TECTB: variants seen among roughly 807,000 people sequenced by gnomAD.
The protein encoded by TECTB is beta-tectorin.
A neutral mutation model predicts 43.3 loss-of-function variants in TECTB; 45 were observed. That is an observed-to-expected ratio of 1.04 (90% confidence interval 0.82 to 1.33). The LOEUF (loss-of-function observed/expected upper bound fraction) is 1.33. Among genes scored for constraint, TECTB ranks in the 40% most tolerant of loss-of-function variants. The pLI is 0.00. For synonymous variants in TECTB, 169 were observed against 156.7 expected (o/e 1.08, Z -0.59); for missense variants, 399 against 404.7 (o/e 0.99, Z 0.12).
intron 7 of TECTB, among the ~76,000 whole-genome samples, chr10:112,297,546 GACC>G (rs1030502925): frequency 2.6e-5 from 4 of 152,046 alleles, no homozygotes; most frequent in East Asian, 1.9e-4. Context: ...TTAAAAATGT[GACC>G]ACATTTTTAC....
intron 5 of TECTB, among the ~76,000 whole-genome samples, chr10:112,287,913 G>T (rs1043292005): frequency 6.6e-6 from 1 of 152,182 alleles, no homozygotes; most frequent in African/African-American, 2.4e-5. Context: ...ACAAAATCTA[G>T]ATCTGCCCCT....
chr10:112,300,311 GAA>G (rs1848597396), intron 9 of TECTB, among the ~76,000 whole-genome samples: 1 of 114,702 alleles, frequency 8.7e-6, no homozygotes. Flanking sequence ...AAGAAAGAAA[GAA>G]AGAAAGAGAA....
At position 112,303,322 on chromosome 10, in the gene TECTB, A is replaced by T; in HGVS notation, c.*10A>T. On this transcript the variant is annotated 3_prime_UTR_variant, in exon 11 of 11. Coordinates refer to ENST00000646139, the MANE Select transcript of TECTB (RefSeq NM_058222.3). ...TTGTGCCGTGTTATAGGAGTTAGCCAGGCAGCTGCCGCTCCTCCACCCACA... is the reference window on the plus strand; with the variant it reads ...TTGTGCCGTGTTATAGGAGTTAGCCTGGCAGCTGCCGCTCCTCCACCCACA... The T allele has an allele frequency of 6.2e-7, 1 of 1,614,194 alleles. No individual in the cohort carries two copies. Among genetic ancestry groups the T allele is most frequent in the Non-Finnish European group, 8.5e-7 (1 of 1,180,016 alleles).
At chr10:112,293,281 TACTGGGAA>T (rs1360927314) in intron 5 of TECTB, among the ~76,000 whole-genome samples, 1 of 152,050 alleles carries the variant, frequency 6.6e-6, no homozygotes, top group African/African-American at 2.4e-5. Context: ...TTGATGATTG[TACTGGGAA>T]TCTGGGAATC....
intron 8 of TECTB, among the ~76,000 whole-genome samples, chr10:112,298,436 G>T (rs1848568254): frequency 6.6e-6 from 1 of 152,204 alleles, no homozygotes; most frequent in Non-Finnish European, 1.5e-5. Context: ...AACCCACATG[G>T]TCTGGCATGT....
At position 112,299,728 on chromosome 10, in the gene TECTB, C is replaced by G. The variant is rs777625245; in HGVS notation, c.907+164C>G. 1.1e-5 allele frequency: 7 copies of G among 662,038 alleles called. No individual in the cohort carries two copies. The Admixed American group carries it at 2.0e-4, about 19-fold the overall frequency. The allele number at this position is 662,038 out of a possible 1,614,324, so 41.0% of individuals were successfully genotyped here. On this transcript the variant is annotated intron_variant, in intron 9 of 10. Transcript: ENST00000646139. Reference sequence around the variant, plus strand: ...GAGTCTTCCAGCCAGGGGTGGGGAACAGCTCAAGCCAAACGAAGGAGTTGA... The same window carrying G: ...GAGTCTTCCAGCCAGGGGTGGGGAAGAGCTCAAGCCAAACGAAGGAGTTGA...
intron 7 of TECTB, among the ~76,000 whole-genome samples, chr10:112,296,331 G>T (rs1848546755): frequency 6.6e-6 from 1 of 152,112 alleles, no homozygotes; most frequent in Admixed American, 6.6e-5. Flanking sequence ...GCCTCCTGTG[G>T]GCTTCCACCA....
In TECTB at chr10:112,303,444, A is replaced by G. The variant is rs1372251750; in HGVS notation, c.*132A>G. The G allele has an allele frequency of 4.6e-6, 5 of 1,082,318 alleles. No individual in the cohort carries two copies. In the Admixed American group the frequency reaches 5.9e-5, roughly 13 times the overall value. The allele number at this position is 1,082,318 out of a possible 1,614,324, so 67.0% of individuals were successfully genotyped here. ...GGGGCAGAGAATAGCACTTTGCCAAATATGCACTCCAATAATTTCTGTGAA... is the reference window on the plus strand; with the variant it reads ...GGGGCAGAGAATAGCACTTTGCCAAGTATGCACTCCAATAATTTCTGTGAA... On this transcript the variant is annotated 3_prime_UTR_variant, in exon 11 of 11. Coordinates refer to ENST00000646139, the MANE Select transcript of TECTB (RefSeq NM_058222.3).
At chr10:112,289,839 C>T (rs1848483262) in intron 5 of TECTB, among the ~76,000 whole-genome samples, 1 of 152,128 alleles carries the variant, frequency 6.6e-6, no homozygotes, top group African/African-American at 2.4e-5. Flanking sequence ...GGAATGTGTC[C>T]TAGGAAAATA....
Position 112,283,414 on chromosome 10 carries a change from T to G in TECTB, c.-170T>G. On this transcript the variant is annotated 5_prime_UTR_variant, in exon 1 of 11. Coordinates refer to ENST00000646139, the MANE Select transcript of TECTB (RefSeq NM_058222.3). The stretch of plus-strand genomic sequence containing the variant: ...ACTGGGGCAGCAGATTTGGGGAGCA[T>G]CCAGCAGCCAGCCTCTACAGTCCGG... The G allele has an allele frequency of 3.5e-6, 1 of 282,102 alleles. No individual in the cohort carries two copies. Among genetic ancestry groups the G allele is most frequent in the Non-Finnish European group, 6.6e-6 (1 of 151,760 alleles). The allele number at this position is 282,102 out of a possible 1,614,324, so 17.5% of individuals were successfully genotyped here.
intron 5 of TECTB, among the ~76,000 whole-genome samples, chr10:112,288,176 C>T (rs993809189): frequency 3.3e-5 from 5 of 152,042 alleles, no homozygotes; most frequent in Non-Finnish European, 5.9e-5. Context: ...TTATTTTAAC[C>T]AGATAAAATT....
intron 10 of TECTB, chr10:112,302,500 T>G (rs1848620423): frequency 2.4e-6 from 1 of 417,790 alleles, no homozygotes. Flanking sequence ...CTGTCTTTTA[T>G]TAACTGAGTG....
chr10:112,296,433 C>T (rs1848547401), intron 7 of TECTB, among the ~76,000 whole-genome samples: 1 of 152,020 alleles, frequency 6.6e-6, no homozygotes. Flanking sequence ...TTTTTTGCCT[C>T]CTCCCCACCC....
Position 112,286,323 on chromosome 10 carries a change from G to C in TECTB, c.415G>C (p.Ala139Pro), listed in dbSNP as rs1392009177. The change falls in exon 5 of 11, where the codon GCC (alanine) becomes CCC (proline). Residue 139 changes from alanine to proline, a missense_variant. Transcript: ENST00000646139. ...VNQAAFDQRV[A>P]TVHVKNGSMG... is the part of the protein sequence containing the mutation. ...AAAATTCTCTCCCCTTTTCAGAGTGGCCACTGTTCACGTGAAGAACGGGAG... is the reference window on the plus strand; with the variant it reads ...AAAATTCTCTCCCCTTTTCAGAGTGCCCACTGTTCACGTGAAGAACGGGAG... The C allele has an allele frequency of 6.2e-7, 1 of 1,611,940 alleles. No individual in the cohort carries two copies. The highest frequency in any genetic ancestry group is 1.1e-5 in the South Asian group (1 of 91,042).
chr10:112,302,086 C>A lies in TECTB; in HGVS notation c.908-15C>A. On this transcript the variant is annotated splice_polypyrimidine_tract_variant and intron_variant, in intron 9 of 10. Transcript: ENST00000646139. ...TTTTCTTAAACTTTCTGCATTCTCT[C>A]TTTACTCACTACAGGCAGGGGATTT... 2 of 1,613,744 alleles carry A rather than the reference C, an allele frequency of 1.2e-6. No individual in the cohort carries two copies. The highest frequency in any genetic ancestry group is 1.7e-6 in the Non-Finnish European group (2 of 1,179,788).
chr10:112,299,823 C>T (rs1246336992), intron 9 of TECTB: 4 of 469,224 alleles, frequency 8.5e-6, no homozygotes, highest in Non-Finnish European at 1.5e-5. Flanking sequence ...TCAGGAAGTG[C>T]TGAGCTTCCA....
chr10:112,298,807 C>G (rs1382807162), intron 8 of TECTB, among the ~76,000 whole-genome samples: 1 of 152,206 alleles, frequency 6.6e-6, no homozygotes, highest in African/African-American at 2.4e-5. Context: ...GGTGCTCACT[C>G]AAGCCTGAGA....
At chr10:112,296,840 C>A (rs980475661) in intron 7 of TECTB, among the ~76,000 whole-genome samples, 1 of 152,184 alleles carries the variant, frequency 6.6e-6, no homozygotes, top group East Asian at 1.9e-4. Flanking sequence ...GCGTGTGTGC[C>A]GAGTTTACCA....
chr10:112,293,471 T>C (rs1848517380), intron 5 of TECTB, among the ~76,000 whole-genome samples: 1 of 152,218 alleles, frequency 6.6e-6, no homozygotes, highest in Non-Finnish European at 1.5e-5. Context: ...TGAAATCTCA[T>C]TGGCATAAAT....
Sources: allele counts gnomAD v4.1 joint callset (sites outside exome capture counted in the v4.1 genomes callset), GRCh38; gene constraint gnomAD v4.1.1; transcripts MANE v1.5; gene names NCBI Gene and HGNC (gene_info 2026-07-23, HGNC 2026-07-21).